Variants in ICAM2 observed in about 807,000 individuals in gnomAD.
ICAM2 encodes intercellular adhesion molecule 2, also known as ICAM-2.
In ICAM2, 14 loss-of-function variants were observed where a neutral mutation model predicts 19.1. The observed-to-expected ratio is 0.73, with a 90% confidence interval of 0.48 to 1.15. The LOEUF (loss-of-function observed/expected upper bound fraction) is 1.15. ICAM2 is among the 50% of genes most tolerant of loss of function. The pLI, the probability that ICAM2 is intolerant of heterozygous loss-of-function variation, is 0.00. For synonymous variants in ICAM2, 153 were observed against 152.7 expected, an observed-to-expected ratio of 1.00 and a Z score of -0.01; for missense variants, 311 against 355.4, an observed-to-expected ratio of 0.88 and a Z score of 1.00.
chr17:64,003,962 G>A lies in ICAM2; in HGVS notation c.331C>T (p.Pro111Ser). 1 of 1,608,250 alleles carries A rather than the reference G, an allele frequency of 6.2e-7. No individual in the cohort carries two copies. Among genetic ancestry groups the A allele is most frequent in the East Asian group, 2.2e-5 (1 of 44,670 alleles). Residue 111 changes from proline (P) to serine (S), a missense_variant and splice_region_variant, in exon 4 of 5, where the codon CCT (proline) becomes TCT (serine). Physicochemically the swap from Pro to Ser is moderately conservative, Grantham distance 74 (BLOSUM62 -1). Transcript: ENST00000579788. ...AGTGTCAGGATGACCTGCCTTGGAG[G>A]CTCTGCAGGGGACAAAGGAGGGAGG... Reference protein sequence around the residue: ...SMNSNVSVYQPPRQVILTLQP... With the variant: ...SMNSNVSVYQSPRQVILTLQP...
At position 64,005,563 on chromosome 17, in the gene ICAM2, G is replaced by A. The variant is rs112242147; in HGVS notation, c.62-190C>T. On this transcript the variant is annotated intron_variant, in intron 2 of 4. Transcript: ENST00000579788. ...AGACCAGGAGGCCACCCCCCAGCTG[G>A]CTCCCTGCCTCTGGCTGTCCTTCCT... Among the ~76,000 whole-genome samples the A allele has an allele frequency of 6.3e-3, 957 of 152,150 alleles. 13 individuals carry two copies. Among genetic ancestry groups the A allele is most frequent in the African/African-American group, 0.022 (916 of 41,514 alleles).
chr17:64,002,843 G>A lies in ICAM2; in HGVS notation c.732C>T (p.Leu244=). The change falls in exon 5 of 5, where the codon CTC becomes CTT. Residue 244 remains leucine (L), a synonymous_variant. Transcript: ENST00000579788. The part of the protein sequence containing the change: ...LLSLFVTSVL[L]CFIFGQHLRQ... ...GCAAGTGCTGGCCGAAGATGAAGCA[G>A]AGCAGGACAGATGTCACGAACAGGG... The A allele has an allele frequency of 6.2e-7, 1 of 1,614,028 alleles. No homozygotes were observed. The highest frequency in any genetic ancestry group is 8.5e-7 in the Non-Finnish European group (1 of 1,180,002).
chr17:64,012,492 C>T (rs550079927), intron 1 of ICAM2, among the ~76,000 whole-genome samples: 106 of 152,114 alleles, frequency 7.0e-4, no homozygotes, highest in Non-Finnish European at 9.9e-4. Flanking sequence ...CCTAGCTACT[C>T]GGGTGGCTGA....
chr17:64,011,796 G>A (rs973462364), intron 1 of ICAM2, among the ~76,000 whole-genome samples: 3 of 152,156 alleles, frequency 2.0e-5, no homozygotes, highest in African/African-American at 7.2e-5. Context: ...AGAGAAAAAG[G>A]AATGCTTACA....
intron 1 of ICAM2, among the ~76,000 whole-genome samples, chr17:64,014,426 A>T (rs1332277481): frequency 1.4e-5 from 1 of 69,652 alleles, no homozygotes; most frequent in Non-Finnish European, 4.1e-5. Context: ...AAAGAAAGGA[A>T]GGAAGGAAGG....
chr17:64,006,999 C>T (rs796523988), intron 1 of ICAM2: 60 of 392,084 alleles, frequency 1.5e-4, no homozygotes, highest in African/African-American at 3.9e-4. Context: ...GTGTATGAGA[C>T]GTGTGCACAG....
Position 64,003,899 on chromosome 17 carries a change from T to C in ICAM2, c.394A>G (p.Ile132Val). 6.2e-7 allele frequency: 1 copy of C among 1,614,070 alleles called. No homozygotes were observed. ...TCCACGGTGGGCACCCTGCACTCAA[T>C]GGTGAAGGACTTGCCCACAGCCACC... is the stretch of plus-strand genomic sequence containing the variant. ...TLVAVGKSFT[I>V]ECRVPTVEPL... Residue 132 changes from isoleucine to valine, a missense_variant, in exon 4 of 5, where the codon ATT becomes GTT. Transcript: ENST00000579788.
At chr17:64,005,970 C>T (rs1911181733) in intron 2 of ICAM2, 1 of 159,518 alleles carries the variant, frequency 6.3e-6, no homozygotes, top group Non-Finnish European at 1.4e-5. Flanking sequence ...GGGGGTGAGG[C>T]CACTTTAAAT....
intron 1 of ICAM2, among the ~76,000 whole-genome samples, chr17:64,014,500 G>T (rs1464389577): frequency 2.9e-5 from 4 of 136,042 alleles, no homozygotes; most frequent in Non-Finnish European, 4.7e-5. Flanking sequence ...AGAAAGGAAG[G>T]AAGGAAGGGA....
At chr17:64,014,847 G>A (rs951889761) in intron 1 of ICAM2, among the ~76,000 whole-genome samples, 4 of 152,018 alleles carry the variant, frequency 2.6e-5, no homozygotes, top group African/African-American at 7.2e-5. Flanking sequence ...AGGCCAAGGC[G>A]GAAGGATCAC....
intron 1 of ICAM2, among the ~76,000 whole-genome samples, chr17:64,008,895 A>G (rs1911330283): frequency 1.3e-5 from 2 of 152,164 alleles, no homozygotes. Context: ...TTCCCTCTTC[A>G]AGCAAGGCTT....
At chr17:64,015,461 A>G (rs1230609770) in intron 1 of ICAM2, among the ~76,000 whole-genome samples, 1 of 152,170 alleles carries the variant, frequency 6.6e-6, no homozygotes, top group East Asian at 1.9e-4. Flanking sequence ...CTCACAGGTA[A>G]TTCCAAGAAA....
At chr17:64,013,433 G>A (rs534733256) in intron 1 of ICAM2, among the ~76,000 whole-genome samples, 9 of 152,134 alleles carry the variant, frequency 5.9e-5, no homozygotes, top group Non-Finnish European at 1.2e-4. Flanking sequence ...CCCAGGAGGT[G>A]GAGGTTGCAG....
In ICAM2 at chr17:64,002,784, G is replaced by T. The variant is rs199862202; in HGVS notation, c.791C>A (p.Ala264Glu). 2.5e-6 allele frequency: 4 copies of T among 1,613,112 alleles called. No individual in the cohort carries two copies. Among genetic ancestry groups the T allele is most frequent in the African/African-American group, 1.3e-5 (1 of 74,924 alleles). The change falls in exon 5 of 5, where the codon GCG becomes GAG. Residue 264 changes from alanine to glutamate, a missense_variant. Ala to Glu is a moderately radical substitution (Grantham distance 107). Coordinates refer to ENST00000579788, the MANE Select transcript of ICAM2 (RefSeq NM_001099789.2). Reference protein sequence around the residue: ...QQRMGTYGVRAAWRRLPQAFR... With the variant: ...QQRMGTYGVREAWRRLPQAFR... ...GGCCTGGGGCAGCCTCCTCCAAGCC[G>T]CTCGCACCCCGTAGGTGCCCATCCG...
intron 4 of ICAM2, 128 bp downstream of exon 4, chr17:64,003,516 A>G (rs1181263812): frequency 2.4e-6 from 2 of 829,790 alleles, no homozygotes; most frequent in East Asian, 5.0e-5. Context: ...GGAGAGTAAG[A>G]GGGAAGCCTC....
chr17:64,014,678 AAAGGAAGGAAGGAAGG>A (rs1169331312), intron 1 of ICAM2, among the ~76,000 whole-genome samples: 2,350 of 130,068 alleles, frequency 0.018, 60 homozygotes, highest in African/African-American at 0.026. Flanking sequence ...AGAAAGAAAG[AAAGGAAGGAAGGAAGG>A]AAGGAAGGAA....
In ICAM2 at chr17:64,002,666, AG is replaced by A; in HGVS notation, c.*80del. On this transcript the variant is annotated 3_prime_UTR_variant, in exon 5 of 5. Transcript: ENST00000579788. Reference sequence around the variant, plus strand: ...TCTCTGCTGCCTGTCACAGTCCTTCAGCCAGGGCTGGACCTCAACCCTGAGG... The same window carrying A: ...TCTCTGCTGCCTGTCACAGTCCTTCACCAGGGCTGGACCTCAACCCTGAGG... 7.7e-7 allele frequency: 1 copy of A among 1,303,610 alleles called. No homozygotes were observed. The highest frequency in any genetic ancestry group is 1.3e-5 in the South Asian group (1 of 76,012). The allele number at this position is 1,303,610 out of a possible 1,614,324, so 80.8% of individuals were successfully genotyped here. A position where few individuals can be genotyped will look rare whatever the true frequency, so the allele number is the denominator to read the frequency against.
chr17:64,005,067 G>A lies in ICAM2; in HGVS notation c.328+40C>T, dbSNP rs1482608425. 3 of 1,611,644 alleles carry A rather than the reference G, an allele frequency of 1.9e-6. No individual in the cohort carries two copies. The South Asian group carries it at 3.3e-5, about 18-fold the overall frequency. On this transcript the variant is annotated intron_variant, in intron 3 of 4. Coordinates refer to ENST00000579788, the MANE Select transcript of ICAM2 (RefSeq NM_001099789.2). ...TGTGCATTCAGTAGACACAGCCTCT[G>A]TCCCAGGGGAGAGGAGGGCCCCGCA...
intron 1 of ICAM2, among the ~76,000 whole-genome samples, chr17:64,015,705 A>G (rs980109883): frequency 6.6e-6 from 1 of 152,158 alleles, no homozygotes; most frequent in African/African-American, 2.4e-5. Flanking sequence ...ACGCCACTGT[A>G]CTCTAGCCTA....
Sources: allele counts gnomAD v4.1 joint callset (sites outside exome capture counted in the v4.1 genomes callset), GRCh38; gene constraint gnomAD v4.1.1; transcripts MANE v1.5; gene names NCBI Gene and HGNC (gene_info 2026-07-23, HGNC 2026-07-21).